The following IKBIP variants were observed in gnomAD, a reference collection of about 807,000 sequenced individuals.
The protein encoded by IKBIP is IKBKB interacting protein.
Under a neutral mutation model 31.0 loss-of-function variants are expected in IKBIP, and 28 were observed. The observed-to-expected ratio is 0.90, with a 90% CI of 0.67 to 1.24. The LOEUF (loss-of-function observed/expected upper bound fraction) is 1.24. Among genes scored for constraint, IKBIP ranks in the 50% most tolerant of loss-of-function variants. IKBIP has a pLI of 0.00. For missense variants in IKBIP, 453 were observed against 441.9 expected (o/e 1.03, Z -0.23); for synonymous variants, 164 against 160.3 (o/e 1.02, Z -0.17).
intron 2 of IKBIP, among the ~76,000 whole-genome samples, chr12:98,629,880 C>T (rs1001552196): frequency 3.3e-5 from 5 of 152,160 alleles, no homozygotes; most frequent in African/African-American, 7.2e-5. Context: ...TAGTATGCCA[C>T]AGTAGCTAGC....
chr12:98,616,066 A>C (rs1251284199), intron 2 of IKBIP, among the ~76,000 whole-genome samples: 1 of 150,896 alleles, frequency 6.6e-6, no homozygotes, highest in African/African-American at 2.4e-5. Flanking sequence ...TTTTTTGAGG[A>C]ACCTCCACAC....
chr12:98,620,093 ATTTTTTTT>A (rs772601870), downstream of IKBIP, among the ~76,000 whole-genome samples: 1 of 95,060 alleles, frequency 1.1e-5, no homozygotes, highest in Admixed American at 1.1e-4. Flanking sequence ...TAAGTTTTCT[ATTTTTTTT>A]TTTTTTTTTT....
intron 1 of IKBIP, among the ~76,000 whole-genome samples, chr12:98,642,872 T>G (rs1565845750): frequency 6.6e-6 from 1 of 151,798 alleles, no homozygotes; most frequent in African/African-American, 2.4e-5. Context: ...GTGCTGGGAG[T>G]ACAGGCATGA....
chr12:98,633,956 A>T (rs564617042), intron 2 of IKBIP, among the ~76,000 whole-genome samples: 1 of 152,338 alleles, frequency 6.6e-6, no homozygotes, highest in East Asian at 1.9e-4. Context: ...TTCAGATGAG[A>T]TCGAGCGCAT....
At position 98,644,707 on chromosome 12, in the gene IKBIP, GA is replaced by G; in HGVS notation, c.-7del. 6.2e-7 allele frequency: 1 copy of G among 1,606,324 alleles called. No homozygotes were observed. Among genetic ancestry groups the G allele is most frequent in the Non-Finnish European group, 8.5e-7 (1 of 1,177,898 alleles). On this transcript the variant is annotated 5_prime_UTR_variant, in exon 1 of 3. Coordinates refer to ENST00000299157, the MANE Select transcript of IKBIP (RefSeq NM_153687.4). ...CGGCTCTTCACCTCAGACATGTCTG[GA>G]GACCCTAGGACGACAAGCCCAGGGC...
chr12:98,630,923 C>A (rs1200165924), intron 2 of IKBIP, among the ~76,000 whole-genome samples: 1 of 82,912 alleles, frequency 1.2e-5, no homozygotes, highest in African/African-American at 5.9e-5. Flanking sequence ...CTGAATATTT[C>A]TTTTTTTTCT....
intron 2 of IKBIP, among the ~76,000 whole-genome samples, chr12:98,616,094 A>G (rs542886808): frequency 1.2e-4 from 18 of 151,334 alleles, no homozygotes; most frequent in African/African-American, 3.9e-4. Context: ...CATAATGGCT[A>G]TACTTTCCCA....
Position 98,625,730 on chromosome 12 carries a change from C to A in IKBIP, c.*200G>T. ...GAGAAATATTTTTAAAGAACTATTT[C>A]TATTTCAAATAGTTACAATGAAGTA... On this transcript the variant is annotated 3_prime_UTR_variant, in exon 3 of 3. Transcript: ENST00000299157. The A allele has an allele frequency of 3.1e-6, 1 of 322,430 alleles. No individual in the cohort carries two copies. Among genetic ancestry groups the A allele is most frequent in the Non-Finnish European group, 5.5e-6 (1 of 180,632 alleles). The allele number at this position is 322,430 out of a possible 1,614,324, so 20.0% of individuals were successfully genotyped here. A position where few individuals can be genotyped will look rare whatever the true frequency, so the allele number is the denominator to read the frequency against.
chr12:98,618,487 G>A (rs1471743538), intron 2 of IKBIP, among the ~76,000 whole-genome samples: 6 of 152,012 alleles, frequency 3.9e-5, no homozygotes, highest in East Asian at 3.9e-4. Flanking sequence ...TTAGCCGGGC[G>A]TAGTGGTGGG....
chr12:98,614,243 C>G (rs1398632608), exon 3 of IKBIP: 4 of 1,612,864 alleles, frequency 2.5e-6, no homozygotes, highest in Non-Finnish European at 3.4e-6. Flanking sequence ...CCTATTGGAC[C>G]AAGTTTTTAC....
At chr12:98,618,085 CT>C (rs1446885676) in intron 2 of IKBIP, among the ~76,000 whole-genome samples, 1 of 152,066 alleles carries the variant, frequency 6.6e-6, no homozygotes, top group African/African-American at 2.4e-5. Context: ...AATAAAAAAG[CT>C]TGAGTCCAGG....
At chr12:98,613,717 T>A in exon 3 of IKBIP, 1 of 1,612,478 alleles carries the variant, frequency 6.2e-7, no homozygotes, top group South Asian at 1.1e-5. Context: ...CGGTAACCAA[T>A]CTCCCAATGC....
chr12:98,639,744 G>T (rs772715424), intron 1 of IKBIP, among the ~76,000 whole-genome samples: 2 of 152,168 alleles, frequency 1.3e-5, no homozygotes, highest in East Asian at 1.9e-4. Flanking sequence ...CTCTATTTCA[G>T]CTTAATAATG....
At chr12:98,622,113 C>T (rs1413529666), downstream of IKBIP, among the ~76,000 whole-genome samples, 4 of 149,938 alleles carry the variant, frequency 2.7e-5, no homozygotes, top group Admixed American at 2.7e-4. Context: ...GATGAATGTA[C>T]ATCTCCTAGA....
intron 2 of IKBIP, among the ~76,000 whole-genome samples, chr12:98,627,829 G>C (rs2097616302): frequency 6.6e-6 from 1 of 152,176 alleles, no homozygotes; most frequent in African/African-American, 2.4e-5. Context: ...AATTCTGGAA[G>C]GGTTTCTGCC....
intron 1 of IKBIP, among the ~76,000 whole-genome samples, chr12:98,636,859 C>A (rs17460229): frequency 0.017 from 2,640 of 151,196 alleles, 32 homozygotes; most frequent in South Asian, 0.059. Flanking sequence ...AAGAAAGAGA[C>A]CACCCTAAAG....
At chr12:98,644,200 G>T (rs1449156586) in intron 1 of IKBIP, among the ~76,000 whole-genome samples, 1 of 152,174 alleles carries the variant, frequency 6.6e-6, no homozygotes, top group African/African-American at 2.4e-5. Flanking sequence ...ATAACAACGT[G>T]AACGCTTCTG....
chr12:98,623,560 CTTTTTTTTTTTT>C (rs35433597), downstream of IKBIP, among the ~76,000 whole-genome samples: 34 of 64,196 alleles, frequency 5.3e-4, no homozygotes, highest in Admixed American at 7.1e-3. Flanking sequence ...CCTCCTTACA[CTTTTTTTTTTTT>C]TTTTTTTTTT....
intron 2 of IKBIP, among the ~76,000 whole-genome samples, chr12:98,617,981 T>C (rs187157600): frequency 6.6e-6 from 1 of 152,358 alleles, no homozygotes; most frequent in Admixed American, 6.5e-5. Flanking sequence ...TGTCCTAGTA[T>C]GATCAAGAAC....
Sources: allele counts gnomAD v4.1 joint callset (sites outside exome capture counted in the v4.1 genomes callset), GRCh38; gene constraint gnomAD v4.1.1; transcripts MANE v1.5; gene names NCBI Gene and HGNC (gene_info 2026-07-23, HGNC 2026-07-21).